Variants in BRCA2 observed in about 807,000 individuals in gnomAD.
The protein encoded by BRCA2 is BRCA2 DNA repair associated, also known as breast cancer type 2 susceptibility protein.
BRCA2 carries 203 observed loss-of-function variants against 276.7 expected under a neutral mutation model. The ratio of observed to expected loss-of-function variants is 0.73; its 90% CI spans 0.65 to 0.82. BRCA2 has a LOEUF of 0.82. Ranked by LOEUF, BRCA2 falls within the 40% of genes least tolerant of loss-of-function variation. The pLI is 0.00. For missense variants in BRCA2, 3,920 were observed against 3,915.0 expected, an observed-to-expected ratio of 1.00 and a Z score of -0.03; for synonymous variants, 1,289 against 1,338.4, an observed-to-expected ratio of 0.96 and a Z score of 0.81.
rs276174878 is a variant in BRCA2, at chr13:32,319,060, AT to A, written c.68-7del. 2.6e-4 allele frequency: 409 copies of A among 1,562,996 alleles called. No individual in the cohort carries two copies. The highest frequency in any genetic ancestry group is 7.3e-4 in the Admixed American group (42 of 57,460). On this transcript the variant is annotated splice_polypyrimidine_tract_variant and intron_variant, in intron 2 of 26. Coordinates refer to ENST00000380152, the MANE Select transcript of BRCA2 (RefSeq NM_000059.4). ...TGTCACTGGTTAAAACTAAGGTGGG[AT>A]TTTTTTTTTAAATAGATTTAGGACC...
intron 18 of BRCA2, among the ~76,000 whole-genome samples, chr13:32,369,252 C>G (rs1044869500): frequency 1.3e-5 from 2 of 151,812 alleles, no homozygotes; most frequent in South Asian, 4.2e-4. Context: ...AGAATAGGGT[C>G]CTGGGTTCTT....
chr13:32,333,411 T>C (rs1412870863), intron 10 of BRCA2, 24 bp downstream of exon 10: 1 of 1,596,342 alleles, frequency 6.3e-7, no homozygotes, highest in African/African-American at 1.3e-5. Context: ...TTTTTTTTTG[T>C]AAATAGTACA....
At chr13:32,367,281 C>A (rs2137590014) in intron 18 of BRCA2, among the ~76,000 whole-genome samples, 1 of 151,450 alleles carries the variant, frequency 6.6e-6, no homozygotes, top group Non-Finnish European at 1.5e-5. Flanking sequence ...CTAAAAAATA[C>A]AAAAATTAGG....
rs1566232328 is a variant in BRCA2 at position 32,339,723 on chromosome 13, G to A, written c.5368G>A (p.Val1790Ile). The change falls in exon 11 of 27, where the codon GTA (valine) becomes ATA (isoleucine). Residue 1790 changes from valine (V) to isoleucine (I), a missense_variant. Transcript: ENST00000380152. The stretch of plus-strand genomic sequence containing the variant: ...TCAAAAAAACACTAGTTTTTCCAAA[G>A]TAATATCCAATGTAAAAGATGCAAA... Reference protein sequence around the residue: ...EDQKNTSFSKVISNVKDANAY... With the variant: ...EDQKNTSFSKIISNVKDANAY... 6.2e-7 allele frequency: 1 copy of A among 1,613,632 alleles called. No individual in the cohort carries two copies. Among genetic ancestry groups the A allele is most frequent in the South Asian group, 1.1e-5 (1 of 91,042 alleles).
In BRCA2 at chr13:32,316,853, G is replaced by C. The variant is rs11571575; in HGVS notation, c.67+326G>C. On this transcript the variant is annotated intron_variant, in intron 2 of 26. Coordinates refer to ENST00000380152, the MANE Select transcript of BRCA2 (RefSeq NM_000059.4). ...CCTTATACTCTTAAAAATGATCTAG[G>C]ACCCCCGGAGTGCTTTTGTTTATGT... 3.8e-3 allele frequency among the ~76,000 whole-genome samples: 573 copies of C among 152,246 alleles called. 5 individuals carry two copies. Among genetic ancestry groups the C allele is most frequent in the African/African-American group, 0.013 (541 of 41,540 alleles).
chr13:32,368,819 GT>G (rs3837580), intron 18 of BRCA2, among the ~76,000 whole-genome samples: 3 of 138,340 alleles, frequency 2.2e-5, no homozygotes. Flanking sequence ...GGTTTTTTTT[GT>G]TTTTTTTTTA....
chr13:32,331,524 C>G (rs906245591), intron 9 of BRCA2, among the ~76,000 whole-genome samples: 25 of 152,128 alleles, frequency 1.6e-4, no homozygotes, highest in Non-Finnish European at 3.5e-4. Flanking sequence ...GTGTGTGCCA[C>G]TGCACTCCCA....
At position 32,376,765 on chromosome 13, in the gene BRCA2, A is replaced by C. The variant is rs1490054973; in HGVS notation, c.8728A>C (p.Asn2910His). 6.2e-7 allele frequency: 1 copy of C among 1,614,170 alleles called. No individual in the cohort carries two copies. Among genetic ancestry groups the C allele is most frequent in the South Asian group, 1.1e-5 (1 of 91,082 alleles). Reference sequence around the variant, plus strand: ...TGCAGAGCTTTATGAAGCAGTGAAGAATGCAGCAGACCCAGCTTACCTTGA... The same window carrying C: ...TGCAGAGCTTTATGAAGCAGTGAAGCATGCAGCAGACCCAGCTTACCTTGA... Reference protein sequence around the residue: ...DGAELYEAVKNAADPAYLEGY... With the variant: ...DGAELYEAVKHAADPAYLEGY... The change falls in exon 21 of 27, where the codon AAT becomes CAT. Residue 2910 changes from asparagine to histidine, a missense_variant. By Grantham distance (68) the Asn-to-His change is moderately conservative (BLOSUM62 1). Transcript: ENST00000380152.
chr13:32,339,760 A>T lies in BRCA2; in HGVS notation c.5405A>T (p.Gln1802Leu), dbSNP rs80358764. ...GTAAAAGATGCAAATGCATACCCAC[A>T]AACTGTAAATGAAGATATTTGCGTT... ...SNVKDANAYPQTVNEDICVEE... is the reference protein window; with the variant it reads ...SNVKDANAYPLTVNEDICVEE... Residue 1802 changes from glutamine to leucine, a missense_variant, in exon 11 of 27, where the codon CAA (glutamine) becomes CTA (leucine). Transcript: ENST00000380152. 1 of 1,613,870 alleles carries T rather than the reference A, an allele frequency of 6.2e-7. No individual in the cohort carries two copies. Among genetic ancestry groups the T allele is most frequent in the East Asian group, 2.2e-5 (1 of 44,862 alleles).
At position 32,376,709 on chromosome 13, in the gene BRCA2, C is replaced by A. The variant is rs1401510742; in HGVS notation, c.8672C>A (p.Thr2891Lys). 1 of 1,614,108 alleles carries A rather than the reference C, an allele frequency of 6.2e-7. No homozygotes were observed. The highest frequency in any genetic ancestry group is 8.5e-7 in the Non-Finnish European group (1 of 1,179,998). The change falls in exon 21 of 27, where the codon ACA (threonine) becomes AAA (lysine). Residue 2891 changes from threonine (T) to lysine (K), a missense_variant. Thr to Lys is a moderately conservative substitution (Grantham distance 78). This residue lies in a region of BRCA2 where 657 missense variants were observed against 758.2 expected (regional missense o/e 0.87). Transcript: ENST00000380152. ...CCATATTTACCATCACGTGCACTAA[C>A]AAGACAGCAAGTTCGTGCTTTGCAA... Reference protein sequence around the residue: ...TKPYLPSRALTRQQVRALQDG... With the variant: ...TKPYLPSRALKRQQVRALQDG...
At position 32,331,010 on chromosome 13, in the gene BRCA2, A is replaced by G. The variant is rs749729890; in HGVS notation, c.773A>G (p.Gln258Arg). Residue 258 changes from glutamine to arginine, a missense_variant, in exon 9 of 27, where the codon CAA (glutamine) becomes CGA (arginine). By Grantham distance (43) the Gln-to-Arg change is conservative. Around this residue, in one of 2 missense-constraint regions of BRCA2, gnomAD observed 3,263 missense variants for 3,156.9 expected, o/e 1.03. Coordinates refer to ENST00000380152, the MANE Select transcript of BRCA2 (RefSeq NM_000059.4). The part of the protein sequence containing the change: ...ASVTDSENTN[Q>R]REAASHGFGK... ...GTGACAGACAGTGAAAACACAAATC[A>G]AAGAGAAGCTGCAAGTCATGGTAAG... The G allele has an allele frequency of 6.2e-7, 1 of 1,611,708 alleles. No homozygotes were observed. The highest frequency in any genetic ancestry group is 1.7e-5 in the Admixed American group (1 of 59,986).
At chr13:32,325,283 C>T (rs958077517) in intron 4 of BRCA2, 99 bp downstream of exon 4, 6 of 934,942 alleles carry the variant, frequency 6.4e-6, no homozygotes, top group Admixed American at 2.2e-5. Context: ...AATATTTTGG[C>T]TAAGAGCCTG....
At chr13:32,351,102 C>A (rs558024764) in intron 13 of BRCA2, among the ~76,000 whole-genome samples, 25 of 152,322 alleles carry the variant, frequency 1.6e-4, no homozygotes, top group African/African-American at 6.0e-4. Context: ...GCCACCTGAG[C>A]CAGCCCCAGC....
Position 32,357,733 on chromosome 13 carries a change from T to C in BRCA2, c.7618-9T>C. On this transcript the variant is annotated splice_polypyrimidine_tract_variant and intron_variant, in intron 15 of 26. Transcript: ENST00000380152. ...GTTTTTCTTTTTTGTGTGTGTTTAT[T>C]TTGTGTAGCTGTATACGTATGGCGT... 3 of 1,608,012 alleles carry C rather than the reference T, an allele frequency of 1.9e-6. No individual in the cohort carries two copies. In the South Asian group the frequency reaches 3.3e-5, roughly 18 times the overall value.
rs206344 is a variant in BRCA2, at chr13:32,397,288, T to C, written c.9648+244T>C. On this transcript the variant is annotated intron_variant, in intron 26 of 26. Coordinates refer to ENST00000380152, the MANE Select transcript of BRCA2 (RefSeq NM_000059.4). ...ACATGTGATTGAAAAGTGTTTTTTG[T>C]CATTTATTTCACTGTTCCATACAAT... Among the ~76,000 whole-genome samples the C allele has an allele frequency of 0.98, 149,396 of 152,266 alleles. 73,353 individuals are homozygous for C. Among genetic ancestry groups the C allele is most frequent in the East Asian group, 1 (5,179 of 5,180 alleles).
In BRCA2 at chr13:32,344,671, TTTA is replaced by T; in HGVS notation, c.6937+20_6937+22del. On this transcript the variant is annotated intron_variant, in intron 12 of 26. Transcript: ENST00000380152. ...TCCAGATGGTAAAATTAGCTTTTTA[TTTA>T]TATCTGTTCTCCCTCTATAGGTATG... is the stretch of plus-strand genomic sequence containing the variant. 6.8e-7 allele frequency: 1 copy of T among 1,473,518 alleles called. No homozygotes were observed. Among genetic ancestry groups the T allele is most frequent in the Non-Finnish European group, 9.5e-7 (1 of 1,053,564 alleles). 91.3% of individuals were successfully genotyped at this position (1,473,518 alleles called of 1,614,324 possible).
intron 11 of BRCA2, among the ~76,000 whole-genome samples, chr13:32,342,875 G>A (rs1210105434): frequency 6.6e-6 from 1 of 152,054 alleles, no homozygotes; most frequent in Non-Finnish European, 1.5e-5. Context: ...GTAAAACCTT[G>A]TCTCTACTAA....
intron 4 of BRCA2, 132 bp from the exon 5 acceptor site, chr13:32,325,969 A>T (rs1396713620): frequency 1.2e-6 from 1 of 801,364 alleles, no homozygotes; most frequent in East Asian, 2.7e-5. Context: ...ACTTTTTAAA[A>T]TGTAATATAA....
chr13:32,337,543 A>G lies in BRCA2; in HGVS notation c.3188A>G (p.Gln1063Arg), dbSNP rs775030825. ...AATCAAAAGAAACTGAGCAAGCCTC[A>G]GTCAATTAATACTGTATCTGCACAT... ...LDNQKKLSKP[Q>R]SINTVSAHLQ... is the part of the protein sequence containing the mutation. The change falls in exon 11 of 27, where the codon CAG (glutamine) becomes CGG (arginine). Residue 1063 changes from glutamine to arginine, a missense_variant. By Grantham distance (43) the Gln-to-Arg change is conservative (BLOSUM62 1). This residue lies in a region of BRCA2 where 3,263 missense variants were observed against 3,156.9 expected (regional missense o/e 1.03). Coordinates refer to ENST00000380152, the MANE Select transcript of BRCA2 (RefSeq NM_000059.4). 3 of 1,608,330 alleles carry G rather than the reference A, an allele frequency of 1.9e-6. No individual in the cohort carries two copies. Among genetic ancestry groups the G allele is most frequent in the Admixed American group, 1.7e-5 (1 of 59,204 alleles).
Sources: gnomAD v4.1 joint callset for allele counts (sites outside exome capture counted in the v4.1 genomes callset) on GRCh38, gnomAD v4.1.1 for gene constraint, gnomAD v4.1.1 regional missense constraint, MANE v1.5 for transcripts, NCBI Gene and HGNC (gene_info 2026-07-23, HGNC 2026-07-21) for gene names.